Variants in SLC25A16 observed in about 807,000 individuals in gnomAD.
The protein encoded by SLC25A16 is mitochondrial coenzyme A transporter SLC25A16.
In SLC25A16, 39 loss-of-function variants were observed where a neutral mutation model predicts 41.5. The observed-to-expected ratio is 0.94, with a 90% CI of 0.73 to 1.23. The LOEUF is 1.23. Ranked by LOEUF, SLC25A16 falls within the 50% of genes most tolerant of loss-of-function variation. The pLI is 0.00. For synonymous variants in SLC25A16, 146 were observed against 147.8 expected (o/e 0.99, Z 0.09); for missense variants, 421 against 426.9 (o/e 0.99, Z 0.12).
chr10:68,513,178 CTA>C (rs2053097295), intron 2 of SLC25A16, among the ~76,000 whole-genome samples: 1 of 144,148 alleles, frequency 6.9e-6, no homozygotes, highest in African/African-American at 2.6e-5. Flanking sequence ...GACCTACTCT[CTA>C]TTTTTTTTTT....
chr10:68,517,340 G>T, intron 1 of SLC25A16: 1 of 711,534 alleles, frequency 1.4e-6, no homozygotes, highest in Non-Finnish European at 1.7e-6. Flanking sequence ...CAGCAAATAT[G>T]TATTTCGACC....
At chr10:68,496,939 T>C (rs893051684) in intron 4 of SLC25A16, among the ~76,000 whole-genome samples, 13 of 152,168 alleles carry the variant, frequency 8.5e-5, no homozygotes. Flanking sequence ...GCCTCCTAAG[T>C]TGCTGGGATC....
intron 4 of SLC25A16, among the ~76,000 whole-genome samples, chr10:68,494,287 C>A (rs111395106): frequency 0.041 from 6,200 of 151,768 alleles, 167 homozygotes; most frequent in South Asian, 0.089. Context: ...CATGGTGAAA[C>A]CCCATCTCTA....
At chr10:68,499,217 GGTGA>G (rs2052799892) in intron 4 of SLC25A16, among the ~76,000 whole-genome samples, 1 of 152,128 alleles carries the variant, frequency 6.6e-6, no homozygotes, top group East Asian at 1.9e-4. Flanking sequence ...TCAAAGGGAA[GGTGA>G]GTAACGGAGG....
intron 4 of SLC25A16, chr10:68,499,898 C>A: frequency 3.5e-6 from 2 of 575,672 alleles, no homozygotes; most frequent in South Asian, 1.5e-5. Context: ...GAACAGAAAG[C>A]CAAATCTCGC....
At chr10:68,492,682 CAAAAAACAAA>C (rs1264041249) in intron 6 of SLC25A16, among the ~76,000 whole-genome samples, 1 of 148,848 alleles carries the variant, frequency 6.7e-6, no homozygotes, top group East Asian at 2.0e-4. Flanking sequence ...AACTCCGTCT[CAAAAAACAAA>C]AAAAAACAGG....
chr10:68,523,461 C>T (rs868125312), intron 1 of SLC25A16, among the ~76,000 whole-genome samples: 33 of 151,928 alleles, frequency 2.2e-4, no homozygotes, highest in African/African-American at 6.3e-4. Context: ...GAATATTTTC[C>T]GTGTGAATAA....
chr10:68,515,750 G>T (rs866545448), intron 2 of SLC25A16, among the ~76,000 whole-genome samples: 2 of 151,938 alleles, frequency 1.3e-5, no homozygotes, highest in African/African-American at 4.8e-5. Context: ...GTGAGCCGAG[G>T]TCGCGCCATT....
At chr10:68,484,599 T>C (rs76111109) in intron 8 of SLC25A16, among the ~76,000 whole-genome samples, 16,621 of 150,882 alleles carry the variant, frequency 0.11, 1,102 homozygotes, top group South Asian at 0.25. Context: ...CTAAATTTTT[T>C]GTTTGTTTGT....
At chr10:68,493,409 A>G in intron 5 of SLC25A16, 40 bp downstream of exon 5, 1 of 1,563,014 alleles carries the variant, frequency 6.4e-7, no homozygotes, top group Middle Eastern at 1.7e-4. Flanking sequence ...CCTAAGTATA[A>G]AAGGGCATGT....
intron 1 of SLC25A16, among the ~76,000 whole-genome samples, chr10:68,518,728 C>A (rs571240557): frequency 6.6e-6 from 1 of 151,230 alleles, no homozygotes; most frequent in East Asian, 1.9e-4. Flanking sequence ...GAGCCGAGAT[C>A]GCACCACTGC....
intron 4 of SLC25A16, among the ~76,000 whole-genome samples, chr10:68,495,489 G>GTA (rs2052735016): frequency 6.6e-6 from 1 of 151,296 alleles, no homozygotes; most frequent in Non-Finnish European, 1.5e-5. Context: ...AGTTAAAAGA[G>GTA]TATATACTCT....
At chr10:68,510,139 G>C (rs990631985) in intron 2 of SLC25A16, among the ~76,000 whole-genome samples, 4 of 152,088 alleles carry the variant, frequency 2.6e-5, no homozygotes, top group African/African-American at 7.2e-5. Context: ...TGATGCCTTG[G>C]AAGTAATGTG....
intron 1 of SLC25A16, among the ~76,000 whole-genome samples, chr10:68,526,079 G>A (rs1205553134): frequency 1.3e-5 from 2 of 151,872 alleles, no homozygotes; most frequent in South Asian, 2.1e-4. Flanking sequence ...CCCCCAGCCC[G>A]ACACCCGTAA....
rs2052470746 is a variant in SLC25A16 at position 68,480,374 on chromosome 10, C to A, written c.*3058G>T. ...TAAACAGTTGAAAGAAAGAAATTGT[C>A]AAAACATGGATAAAATTTATTTTTA... On this transcript the variant is annotated 3_prime_UTR_variant, in exon 9 of 9. Coordinates refer to ENST00000609923, the MANE Select transcript of SLC25A16 (RefSeq NM_152707.4). 6.6e-6 allele frequency: 1 copy of A among 151,416 alleles called. No homozygotes were observed. Among genetic ancestry groups the A allele is most frequent in the Admixed American group, 6.6e-5 (1 of 15,160 alleles). 9.4% of individuals were successfully genotyped at this position (151,416 alleles called of 1,614,324 possible).
chr10:68,522,952 C>A (rs1451549176), intron 1 of SLC25A16, among the ~76,000 whole-genome samples: 1 of 151,888 alleles, frequency 6.6e-6, no homozygotes, highest in African/African-American at 2.4e-5. Context: ...CCACTGCACT[C>A]CAGCCTAGGC....
chr10:68,522,581 C>T (rs535137670), intron 1 of SLC25A16, among the ~76,000 whole-genome samples: 2 of 152,054 alleles, frequency 1.3e-5, no homozygotes, highest in South Asian at 2.1e-4. Context: ...TTTCGGAGGC[C>T]GAGGCAGGCG....
chr10:68,524,252 T>C (rs544043488), intron 1 of SLC25A16, among the ~76,000 whole-genome samples: 11 of 129,534 alleles, frequency 8.5e-5, no homozygotes, highest in Non-Finnish European at 1.2e-4. Flanking sequence ...AGAGATGAGA[T>C]TGCAGTGAGC....
chr10:68,520,590 T>A (rs968493547), intron 1 of SLC25A16, among the ~76,000 whole-genome samples: 1 of 151,926 alleles, frequency 6.6e-6, no homozygotes, highest in African/African-American at 2.4e-5. Flanking sequence ...GGCAGGCAGA[T>A]CACCTGAGGT....
Sources: gnomAD v4.1 joint callset for allele counts (sites outside exome capture counted in the v4.1 genomes callset) on GRCh38, gnomAD v4.1.1 for gene constraint, MANE v1.5 for transcripts, NCBI Gene and HGNC (gene_info 2026-07-23, HGNC 2026-07-21) for gene names.